Variants in DIS3L2 observed in about 807,000 individuals in gnomAD.
The protein encoded by DIS3L2 is DIS3-like exonuclease 2.
A neutral mutation model predicts 97.5 loss-of-function variants in DIS3L2; 34 were observed. The ratio of observed to expected loss-of-function variants is 0.35; its 90% CI spans 0.27 to 0.46. The LOEUF (loss-of-function observed/expected upper bound fraction) is 0.46, where lower values mean the gene tolerates loss of function less well. Among genes scored for constraint, DIS3L2 ranks in the 20% least tolerant of loss-of-function variants. The pLI, the probability that DIS3L2 is intolerant of heterozygous loss-of-function variation, is 1.00. For missense variants in DIS3L2, 1,038 were observed against 1,146.0 expected (o/e 0.91, Z 1.36); for synonymous variants, 435 against 445.2 (o/e 0.98, Z 0.29).
intron 13 of DIS3L2, among the ~76,000 whole-genome samples, chr2:232,287,479 G>A (rs1474885582): frequency 8.0e-5 from 11 of 136,754 alleles, no homozygotes; most frequent in Admixed American, 7.7e-4. Flanking sequence ...GCTCAGTGCC[G>A]CCTCAAATTT....
intron 5 of DIS3L2, among the ~76,000 whole-genome samples, chr2:232,041,096 C>T (rs1695099055): frequency 6.6e-6 from 1 of 152,068 alleles, no homozygotes; most frequent in South Asian, 2.1e-4. Flanking sequence ...AGTTAGAATT[C>T]TAGTGGTTGT....
rs1694255600 is a variant in DIS3L2 at position 232,280,549 on chromosome 2, AT to A, written c.1659+17111del. Among the ~76,000 whole-genome samples, 2 of 152,244 alleles carry A rather than the reference AT, an allele frequency of 1.3e-5. 1 individual carries two copies. The highest frequency in any genetic ancestry group is 4.1e-4 in the South Asian group (2 of 4,834). Reference sequence around the variant, plus strand: ...TCTCATAACTGAGAGGCTTTAAAAAATTATAGTCAACAAGGCAGCTTGCTAG... The same window carrying A: ...TCTCATAACTGAGAGGCTTTAAAAAATATAGTCAACAAGGCAGCTTGCTAG... On this transcript the variant is annotated intron_variant, in intron 13 of 20. Coordinates refer to ENST00000325385, the MANE Select transcript of DIS3L2 (RefSeq NM_152383.5).
At chr2:232,118,111 C>T (rs372721123) in intron 6 of DIS3L2, among the ~76,000 whole-genome samples, 32 of 152,296 alleles carry the variant, frequency 2.1e-4, no homozygotes, top group East Asian at 9.6e-4. Context: ...TTGCTGCCTC[C>T]GCTGCCTGCT....
chr2:232,279,084 T>C (rs149220315), intron 13 of DIS3L2, among the ~76,000 whole-genome samples: 1,678 of 152,182 alleles, frequency 0.011, 18 homozygotes, highest in Non-Finnish European at 0.017. Context: ...ATTATAGGCA[T>C]GTGCCACCAC....
intron 1 of DIS3L2, among the ~76,000 whole-genome samples, chr2:231,987,131 TAAGGA>T (rs1693436652): frequency 6.6e-6 from 1 of 152,214 alleles, no homozygotes; most frequent in Admixed American, 6.5e-5. Context: ...TCAGGCCAGA[TAAGGA>T]TAGTTTCTTC....
intron 14 of DIS3L2, 28 bp from the exon 15 acceptor site, chr2:232,329,785 T>TCCCCGGGGGGGCCCCCC: frequency 1.4e-4 from 134 of 966,958 alleles, no homozygotes; most frequent in Middle Eastern, 3.5e-4. Flanking sequence ...ACCCCAGCGG[T>TCCCCGGGGGGGCCCCCC]CCCTCCCATC....
intron 10 of DIS3L2, among the ~76,000 whole-genome samples, chr2:232,213,685 T>A (rs1288233631): frequency 7.2e-6 from 1 of 138,744 alleles, no homozygotes; most frequent in Non-Finnish European, 1.5e-5. Context: ...TTTTTTTTTT[T>A]AAGTGTAAAG....
At chr2:232,076,966 G>A (rs1344368702) in intron 5 of DIS3L2, among the ~76,000 whole-genome samples, 2 of 152,158 alleles carry the variant, frequency 1.3e-5, no homozygotes, top group African/African-American at 4.8e-5. Flanking sequence ...CACAAGGCCT[G>A]TGTTCCCCTT....
intron 1 of DIS3L2, among the ~76,000 whole-genome samples, chr2:232,000,663 T>TTTCCTTTCCTTTCCTTTCC (rs1559529200): frequency 4.3e-4 from 10 of 23,170 alleles, no homozygotes; most frequent in African/African-American, 2.2e-3. Context: ...CTTTCCTTTC[T>TTTCCTTTCCTTTCCTTTCC]CTTTCTCTCT....
intron 13 of DIS3L2, among the ~76,000 whole-genome samples, chr2:232,275,142 C>G (rs181547336): frequency 6.6e-6 from 1 of 152,330 alleles, no homozygotes; most frequent in African/African-American, 2.4e-5. Context: ...CTCTAGAAGC[C>G]TGCTCCAAAT....
Position 232,281,978 on chromosome 2 carries a change from C to CA in DIS3L2, c.1660-18061dup, listed in dbSNP as rs1057264432. 3.9e-5 allele frequency among the ~76,000 whole-genome samples: 6 copies of CA among 151,914 alleles called. No individual in the cohort carries two copies. Among genetic ancestry groups the CA allele is most frequent in the Non-Finnish European group, 7.4e-5 (5 of 67,974 alleles). ...GGCAAGACCACGGTGAGCACACAGG[C>CA]ACTTAGGAGCAGCACGTGGCACCCA... On this transcript the variant is annotated intron_variant, in intron 13 of 20. Coordinates refer to ENST00000325385, the MANE Select transcript of DIS3L2 (RefSeq NM_152383.5). This position sits in a 1 kb window ranked among gnomAD's most constrained non-coding sequence, Gnocchi z 4.1.
At chr2:232,084,401 C>T (rs1696508140) in intron 5 of DIS3L2, among the ~76,000 whole-genome samples, 1 of 152,100 alleles carries the variant, frequency 6.6e-6, no homozygotes, top group African/African-American at 2.4e-5. Flanking sequence ...ATCCTAAAAT[C>T]TGAAATCTGA....
intron 8 of DIS3L2, among the ~76,000 whole-genome samples, chr2:232,147,898 C>T (rs1028909797): frequency 2.0e-5 from 3 of 152,014 alleles, no homozygotes; most frequent in African/African-American, 7.3e-5. Context: ...GAGTTCATGA[C>T]TAAGTAGACA....
intron 5 of DIS3L2, among the ~76,000 whole-genome samples, chr2:232,055,135 A>G (rs1695509896): frequency 6.6e-6 from 1 of 152,232 alleles, no homozygotes; most frequent in Admixed American, 6.5e-5. Context: ...TAAACATCAT[A>G]GCTAATGTTG....
chr2:232,139,886 G>A (rs1035304935), intron 8 of DIS3L2, among the ~76,000 whole-genome samples: 1 of 152,064 alleles, frequency 6.6e-6, no homozygotes, highest in Non-Finnish European at 1.5e-5. Context: ...AAAGATTCAG[G>A]GGAGATTAAG....
rs2106218087 is a variant in DIS3L2, at chr2:232,210,417, AT to A, written c.1204+15del. ...GCCACTCGCTGACGGTAGGATGGAA[AT>A]TTCTATAGCATCTTGGGTAGCAGGC... On this transcript the variant is annotated intron_variant, in intron 10 of 20. Coordinates refer to ENST00000325385, the MANE Select transcript of DIS3L2 (RefSeq NM_152383.5). The A allele has an allele frequency of 6.2e-7, 1 of 1,611,564 alleles. No homozygotes were observed. Among genetic ancestry groups the A allele is most frequent in the Non-Finnish European group, 8.5e-7 (1 of 1,178,004 alleles).
intron 13 of DIS3L2, among the ~76,000 whole-genome samples, chr2:232,290,223 C>T (rs1694561156): frequency 6.6e-6 from 1 of 152,264 alleles, no homozygotes; most frequent in Admixed American, 6.5e-5. Flanking sequence ...CAGCTGGCTG[C>T]ATGTGACACA....
At chr2:232,084,014 G>A (rs999816798) in intron 5 of DIS3L2, among the ~76,000 whole-genome samples, 1 of 152,142 alleles carries the variant, frequency 6.6e-6, no homozygotes. Context: ...AGTACCCAAG[G>A]TTGTATTAGT....
At chr2:232,012,713 C>T (rs1374906586) in intron 1 of DIS3L2, among the ~76,000 whole-genome samples, 1 of 152,006 alleles carries the variant, frequency 6.6e-6, no homozygotes, top group Non-Finnish European at 1.5e-5. Context: ...CTTTACATTT[C>T]CTAAAAGTTG....
Sources: gnomAD v4.1 joint callset for allele counts (sites outside exome capture counted in the v4.1 genomes callset) on GRCh38, gnomAD v4.1.1 for gene constraint, Gnocchi (gnomAD v3.1) non-coding constraint, MANE v1.5 for transcripts, NCBI Gene and HGNC (gene_info 2026-07-23, HGNC 2026-07-21) for gene names.